HNF4G: variants seen among roughly 807,000 people sequenced by gnomAD.
HNF4G encodes the protein hepatocyte nuclear factor 4 gamma.
In HNF4G, 21 loss-of-function variants were observed where a neutral mutation model predicts 50.9. That is an observed-to-expected ratio of 0.41 (90% confidence interval 0.29 to 0.59). The LOEUF is 0.59. Among genes scored for constraint, HNF4G ranks in the 20% least tolerant of loss-of-function variants. The pLI, the probability that HNF4G is intolerant of heterozygous loss-of-function variation, is 0.26. For synonymous variants in HNF4G, 198 were observed against 185.6 expected (o/e 1.07, Z -0.54); for missense variants, 527 against 559.4 (o/e 0.94, Z 0.58).
intron 1 of HNF4G, among the ~76,000 whole-genome samples, chr8:75,487,280 T>C (rs1374295942): frequency 6.6e-6 from 1 of 152,150 alleles, no homozygotes; most frequent in East Asian, 1.9e-4. Context: ...TTATTTGTTT[T>C]TAAGTTTAAC....
intron 1 of HNF4G, among the ~76,000 whole-genome samples, chr8:75,432,473 G>A (rs1323580278): frequency 6.6e-6 from 1 of 151,856 alleles, no homozygotes; most frequent in African/African-American, 2.4e-5. Context: ...GCTAATTTTT[G>A]TATTTTTAGT....
intron 1 of HNF4G, among the ~76,000 whole-genome samples, chr8:75,478,299 TG>T (rs1319102237): frequency 3.3e-5 from 5 of 152,198 alleles, no homozygotes; most frequent in African/African-American, 1.2e-4. Context: ...GAGTGACAAA[TG>T]GAATTTAAAT....
At chr8:75,491,523 G>A (rs958157226) in intron 2 of HNF4G, among the ~76,000 whole-genome samples, 1 of 151,686 alleles carries the variant, frequency 6.6e-6, no homozygotes, top group African/African-American at 2.4e-5. Context: ...TGCCCAGGCT[G>A]GAGTGTAGTG....
intron 8 of HNF4G, among the ~76,000 whole-genome samples, chr8:75,559,273 GT>G (rs1253961624): frequency 0.11 from 3,090 of 29,208 alleles, 72 homozygotes; most frequent in African/African-American, 0.38. Context: ...CGTTTTTTTT[GT>G]TTGTTTTTTT....
At chr8:75,511,594 T>C (rs1358590892) in intron 2 of HNF4G, among the ~76,000 whole-genome samples, 1 of 152,222 alleles carries the variant, frequency 6.6e-6, no homozygotes, top group African/African-American at 2.4e-5. Flanking sequence ...TTTATTTTTA[T>C]TTATTTATTT....
At chr8:75,517,549 A>G (rs1276448119) in intron 2 of HNF4G, among the ~76,000 whole-genome samples, 6 of 152,202 alleles carry the variant, frequency 3.9e-5, no homozygotes, top group African/African-American at 1.4e-4. Flanking sequence ...TTCAAGTTCA[A>G]AATTCAATGG....
chr8:75,459,828 T>A (rs1409757285), intron 1 of HNF4G, among the ~76,000 whole-genome samples: 1 of 152,174 alleles, frequency 6.6e-6, no homozygotes, highest in Non-Finnish European at 1.5e-5. Flanking sequence ...AGGACTCTAC[T>A]CAGAGTCCAA....
chr8:75,457,724 C>T (rs1010704219), intron 1 of HNF4G, among the ~76,000 whole-genome samples: 14 of 151,874 alleles, frequency 9.2e-5, no homozygotes, highest in Non-Finnish European at 1.5e-4. Flanking sequence ...GCATCAGGGG[C>T]GGTGGGGGTG....
chr8:75,417,121 GCA>G (rs36033284), intron 1 of HNF4G, among the ~76,000 whole-genome samples: 68,203 of 151,176 alleles, frequency 0.45, 15,536 homozygotes, highest in Middle Eastern at 0.53. Flanking sequence ...ACGCGTGTGC[GCA>G]CACACACACA....
At chr8:75,441,667 A>G (rs1199109272) in intron 1 of HNF4G, among the ~76,000 whole-genome samples, 2 of 152,174 alleles carry the variant, frequency 1.3e-5, no homozygotes, top group Non-Finnish European at 2.9e-5. Flanking sequence ...GCGAAGTCCT[A>G]TTAAATGATA....
At chr8:75,486,231 A>T (rs1812493708) in intron 1 of HNF4G, among the ~76,000 whole-genome samples, 1 of 152,160 alleles carries the variant, frequency 6.6e-6, no homozygotes, top group South Asian at 2.1e-4. Context: ...TGTCCTTCCT[A>T]AGGACATTGT....
At chr8:75,526,735 AC>A (rs1308525610) in intron 2 of HNF4G, among the ~76,000 whole-genome samples, 3 of 145,854 alleles carry the variant, frequency 2.1e-5, no homozygotes, top group African/African-American at 7.6e-5. Context: ...AGAGACAGGG[AC>A]TCACTCTTCA....
chr8:75,468,161 A>G (rs1193098919), intron 1 of HNF4G, among the ~76,000 whole-genome samples: 1 of 152,118 alleles, frequency 6.6e-6, no homozygotes, highest in Non-Finnish European at 1.5e-5. Flanking sequence ...TCTTTCTCCA[A>G]TTTAATTCTA....
Position 75,455,461 on chromosome 8 carries a change from G to T in HNF4G, c.-143-34628G>T, listed in dbSNP as rs373189775. Among the ~76,000 whole-genome samples the T allele has an allele frequency of 2.0e-5, 3 of 152,280 alleles. No individual in the cohort carries two copies. In the East Asian group the frequency reaches 5.8e-4, roughly 29 times the overall value. On this transcript the variant is annotated intron_variant, in intron 1 of 10. Coordinates refer to the HNF4G transcript ENST00000354370. ...GCCACAATGATAATCAATGTGGTGA[G>T]TAATGTTTAGGTACTGTGCTCCAGA...
rs150083751 is a variant in HNF4G, at chr8:75,441,962, C to T, written c.-144+33800C>T. On this transcript the variant is annotated intron_variant, in intron 1 of 10. Transcript: ENST00000354370. ...TGTGGTATATTCACGTGATGATTTACTATAAAGTAGAGAAAATAAATAAAG... is the reference window on the plus strand; with the variant it reads ...TGTGGTATATTCACGTGATGATTTATTATAAAGTAGAGAAAATAAATAAAG... 4.7e-3 allele frequency among the ~76,000 whole-genome samples: 722 copies of T among 152,076 alleles called. 2 individuals carry two copies. The highest frequency in any genetic ancestry group is 0.017 in the African/African-American group (688 of 41,486).
chr8:75,478,684 T>G (rs1336390353), intron 1 of HNF4G, among the ~76,000 whole-genome samples: 1 of 152,220 alleles, frequency 6.6e-6, no homozygotes, highest in Non-Finnish European at 1.5e-5. Flanking sequence ...AGTTTGCTCA[T>G]GTATAAAGCT....
rs773029276 is a variant in HNF4G at position 75,551,469 on chromosome 8, C to T, written c.464C>T (p.Ala155Val). ...GSNIPSINTL[A>V]QAEVRSRQIS... ...AACATCCCCTCCATTAACACACTGGCACAAGCTGAAGTTCGGTCTCGCCAG... is the reference window on the plus strand; with the variant it reads ...AACATCCCCTCCATTAACACACTGGTACAAGCTGAAGTTCGGTCTCGCCAG... Residue 155 changes from alanine (A) to valine (V), a missense_variant, in exon 4 of 10, where the codon GCA (alanine) becomes GTA (valine). By Grantham distance (64) the Ala-to-Val change is moderately conservative. This residue lies in a region of HNF4G where 128 missense variants were observed against 135.3 expected (regional missense o/e 0.95). Transcript: ENST00000396423. The T allele has an allele frequency of 6.2e-7, 1 of 1,611,310 alleles. No homozygotes were observed. Among genetic ancestry groups the T allele is most frequent in the East Asian group, 2.2e-5 (1 of 44,832 alleles).
At chr8:75,497,805 TAA>T (rs1245694604) in intron 2 of HNF4G, among the ~76,000 whole-genome samples, 1 of 152,140 alleles carries the variant, frequency 6.6e-6, no homozygotes, top group Non-Finnish European at 1.5e-5. Flanking sequence ...TATAATATGG[TAA>T]GTCAGTTTAG....
chr8:75,499,405 C>T (rs1812864295), intron 2 of HNF4G, among the ~76,000 whole-genome samples: 1 of 151,904 alleles, frequency 6.6e-6, no homozygotes, highest in Non-Finnish European at 1.5e-5. Context: ...AAAGACATCC[C>T]ATGTTCATGG....
Sources: allele counts gnomAD v4.1 joint callset (sites outside exome capture counted in the v4.1 genomes callset), GRCh38; gene constraint gnomAD v4.1.1; regional missense constraint gnomAD v4.1.1; transcripts MANE v1.5; gene names NCBI Gene and HGNC (gene_info 2026-07-23, HGNC 2026-07-21).